The following MAP3K2 variants were observed in gnomAD, a reference collection of about 807,000 sequenced individuals.
MAP3K2 encodes the protein mitogen-activated protein kinase kinase kinase 2.
A neutral mutation model predicts 80.3 loss-of-function variants in MAP3K2; 24 were observed. That is an observed-to-expected ratio of 0.30 (90% CI 0.22 to 0.42). MAP3K2 has a LOEUF of 0.42. Ranked by LOEUF, MAP3K2 falls within the 10% of genes least tolerant of loss-of-function variation. MAP3K2 has a pLI of 1.00. For missense variants in MAP3K2, 608 were observed against 750.1 expected (o/e 0.81, Z 2.21); for synonymous variants, 244 against 253.7 (o/e 0.96, Z 0.36).
intron 1 of MAP3K2, among the ~76,000 whole-genome samples, chr2:127,352,177 A>G (rs999746925): frequency 6.6e-6 from 1 of 152,038 alleles, no homozygotes. Context: ...ATGCCTGGCC[A>G]ACTTCCCTAC....
chr2:127,298,911 A>G lies in MAP3K2; in HGVS notation c.*8668T>C, dbSNP rs1301768304. 1 of 151,966 alleles carries G rather than the reference A, an allele frequency of 6.6e-6. No individual in the cohort carries two copies. The highest frequency in any genetic ancestry group is 6.6e-5 in the Admixed American group (1 of 15,188). The allele number at this position is 151,966 out of a possible 1,614,324, so 9.4% of individuals were successfully genotyped here. A position where few individuals can be genotyped will look rare whatever the true frequency, so the allele number is the denominator to read the frequency against. On this transcript the variant is annotated 3_prime_UTR_variant, in exon 17 of 17. Coordinates refer to ENST00000682094, the MANE Select transcript of MAP3K2 (RefSeq NM_001371910.2). ...CATATAAACAAAGTCATTGATCACT[A>G]ACAAAATATAAACATGGTTTCTTTT... is the stretch of plus-strand genomic sequence containing the variant.
At chr2:127,319,844 T>TA (rs750112594) in intron 12 of MAP3K2, among the ~76,000 whole-genome samples, 1,270 of 108,390 alleles carry the variant, frequency 0.012, 3 homozygotes, top group African/African-American at 0.018. Context: ...CATCTCAAAT[T>TA]AAAAAAAAAA....
At chr2:127,355,139 G>A (rs563141545) in intron 1 of MAP3K2, among the ~76,000 whole-genome samples, 10 of 152,176 alleles carry the variant, frequency 6.6e-5, no homozygotes, top group African/African-American at 1.9e-4. Context: ...TATACTTGAA[G>A]AAATGCCATA....
intron 15 of MAP3K2, among the ~76,000 whole-genome samples, chr2:127,313,411 C>T (rs1345156998): frequency 6.6e-6 from 1 of 152,184 alleles, no homozygotes; most frequent in African/African-American, 2.4e-5. Context: ...TCTTTTCAGA[C>T]TTACTCTAAG....
intron 1 of MAP3K2, among the ~76,000 whole-genome samples, chr2:127,363,996 CT>C (rs1347939638): frequency 1.3e-5 from 2 of 152,192 alleles, no homozygotes; most frequent in African/African-American, 4.8e-5. Flanking sequence ...CCCACAGCAC[CT>C]AACAGTACTT....
At chr2:127,350,971 T>C (rs1042264082) in intron 1 of MAP3K2, among the ~76,000 whole-genome samples, 1 of 152,100 alleles carries the variant, frequency 6.6e-6, no homozygotes, top group African/African-American at 2.4e-5. Flanking sequence ...CTACCAAAAA[T>C]TGATAACCTG....
chr2:127,336,675 G>C (rs908261902), intron 4 of MAP3K2, among the ~76,000 whole-genome samples: 3 of 152,158 alleles, frequency 2.0e-5, no homozygotes, highest in African/African-American at 7.2e-5. Flanking sequence ...ATCCAAAAAA[G>C]AATCTTAAAT....
chr2:127,385,757 G>A (rs1430488946), intron 1 of MAP3K2, among the ~76,000 whole-genome samples: 1 of 141,878 alleles, frequency 7.0e-6, no homozygotes, highest in East Asian at 1.9e-4. Context: ...AACCAACGCT[G>A]TAGGAAATGC....
At chr2:127,357,652 G>C (rs918903032) in intron 1 of MAP3K2, among the ~76,000 whole-genome samples, 11 of 152,160 alleles carry the variant, frequency 7.2e-5, no homozygotes, top group African/African-American at 2.2e-4. Context: ...TAGATAAATG[G>C]TTAATGAAAC....
intron 14 of MAP3K2, among the ~76,000 whole-genome samples, chr2:127,315,231 G>C (rs1685878036): frequency 6.6e-6 from 1 of 152,162 alleles, no homozygotes; most frequent in Non-Finnish European, 1.5e-5. Flanking sequence ...CTCTGAGAAA[G>C]CTGAATCAGT....
At chr2:127,318,006 T>TATCTA (rs1685940074) in intron 13 of MAP3K2, among the ~76,000 whole-genome samples, 163 bp downstream of exon 13, 1 of 148,986 alleles carries the variant, frequency 6.7e-6, no homozygotes, top group African/African-American at 2.5e-5. Context: ...TAGACAAACA[T>TATCTA]ATCTAATCTG....
chr2:127,317,715 G>A lies in MAP3K2; in HGVS notation c.1240C>T (p.Leu414=). ...ECEIQLLKNL[L]HERIVQYYGC... is the part of the protein sequence containing the mutation. The stretch of plus-strand genomic sequence containing the variant: ...TAATACTGAACAATTCGCTCATGTA[G>A]CAAGTTTTTCAGCAACTGAATTTCA... Residue 414 remains leucine, a synonymous_variant, in exon 14 of 17, where the codon CTA becomes TTA. Transcript: ENST00000682094. 6.2e-7 allele frequency: 1 copy of A among 1,601,186 alleles called. No individual in the cohort carries two copies. The highest frequency in any genetic ancestry group is 8.5e-7 in the Non-Finnish European group (1 of 1,173,054).
chr2:127,326,857 A>C lies in MAP3K2; in HGVS notation c.467-40T>G, dbSNP rs769471369. 5.0e-6 allele frequency: 7 copies of C among 1,398,252 alleles called. No homozygotes were observed. The East Asian group carries it at 1.5e-4, about 29-fold the overall frequency. The allele number at this position is 1,398,252 out of a possible 1,614,324, so 86.6% of individuals were successfully genotyped here. On this transcript the variant is annotated intron_variant, in intron 7 of 16. Transcript: ENST00000682094. ...ATAATGTAATTTATAATTATAGGCA[A>C]GGGAATCAAGTTTTGTTTTAAATAG...
intron 9 of MAP3K2, among the ~76,000 whole-genome samples, chr2:127,325,054 T>G (rs1686104222): frequency 6.6e-6 from 1 of 152,216 alleles, no homozygotes; most frequent in African/African-American, 2.4e-5. Context: ...CTCAGGAAAT[T>G]TCCAAAACCA....
intron 1 of MAP3K2, among the ~76,000 whole-genome samples, chr2:127,365,629 G>A (rs1686959889): frequency 6.6e-6 from 1 of 152,112 alleles, no homozygotes; most frequent in African/African-American, 2.4e-5. Context: ...AAGCTTGACT[G>A]AGGACCACAA....
intron 13 of MAP3K2, 147 bp downstream of exon 13, chr2:127,318,022 C>G: frequency 1.4e-6 from 1 of 699,628 alleles, no homozygotes; most frequent in Non-Finnish European, 2.1e-6. Context: ...ATCTGTTTTA[C>G]AAATAATTTA....
chr2:127,322,197 A>G lies in MAP3K2; in HGVS notation c.894T>C (p.Pro298=), dbSNP rs775955556. Residue 298 remains proline, a synonymous_variant, in exon 12 of 17, where the codon CCT becomes CCC. Transcript: ENST00000682094. This position sits in a 1 kb window ranked among gnomAD's most constrained non-coding sequence, Gnocchi z 4.2. Reference sequence around the variant, plus strand: ...AATGATCAGTAGGACTGAAACTCACAGGAGACCGTAAGCTGGTCCCCTGGG... The same window carrying G: ...AATGATCAGTAGGACTGAAACTCACGGGAGACCGTAAGCTGGTCCCCTGGG... ...RRTQGTSLRS[P]VSFSPTDHSL... The G allele has an allele frequency of 6.2e-7, 1 of 1,614,010 alleles. No homozygotes were observed.
chr2:127,376,927 A>G (rs1013715686), intron 1 of MAP3K2, among the ~76,000 whole-genome samples: 3 of 151,920 alleles, frequency 2.0e-5, no homozygotes, highest in Admixed American at 6.6e-5. Context: ...GTTGGGTATA[A>G]TGGTGTGCCT....
chr2:127,323,815 A>C, intron 11 of MAP3K2, 87 bp downstream of exon 11: 1 of 564,454 alleles, frequency 1.8e-6, no homozygotes, highest in Non-Finnish European at 3.0e-6. Flanking sequence ...GTATTAACAC[A>C]AATATGAGGT....
Sources: gnomAD v4.1 joint callset for allele counts (sites outside exome capture counted in the v4.1 genomes callset) on GRCh38, gnomAD v4.1.1 for gene constraint, Gnocchi (gnomAD v3.1) non-coding constraint, MANE v1.5 for transcripts, NCBI Gene and HGNC (gene_info 2026-07-23, HGNC 2026-07-21) for gene names.